SUV39H2: variants seen among roughly 807,000 people sequenced by gnomAD.
SUV39H2 encodes SUV39H2 histone lysine methyltransferase.
A neutral mutation model predicts 47.5 loss-of-function variants in SUV39H2; 10 were observed. That is an observed-to-expected ratio of 0.21 (90% CI 0.13 to 0.36). SUV39H2 has a LOEUF of 0.36. Among genes scored for constraint, SUV39H2 ranks in the 10% least tolerant of loss-of-function variants. SUV39H2 has a pLI of 1.00. For synonymous variants in SUV39H2, 159 were observed against 166.8 expected (o/e 0.95, Z 0.36); for missense variants, 266 against 487.4 (o/e 0.55, Z 4.28).
chr10:14,885,841 C>T (rs572171292), intron 2 of SUV39H2, among the ~76,000 whole-genome samples: 1 of 152,278 alleles, frequency 6.6e-6, no homozygotes, highest in African/African-American at 2.4e-5. Context: ...TCACTTAGCT[C>T]ATGAAAGATA....
In SUV39H2 at chr10:14,902,595, A is replaced by T; in HGVS notation, c.*83A>T. The T allele has an allele frequency of 1.2e-6, 1 of 826,714 alleles. No individual in the cohort carries two copies. The highest frequency in any genetic ancestry group is 2.3e-5 in the South Asian group (1 of 44,310). The allele number at this position is 826,714 out of a possible 1,614,324, so 51.2% of individuals were successfully genotyped here. A position where few individuals can be genotyped will look rare whatever the true frequency, so the allele number is the denominator to read the frequency against. ...TTAAAAATACATATTTGGGACTCTT[A>T]TTATCAAGGTTCTACCTATGTTAAT... On this transcript the variant is annotated 3_prime_UTR_variant, in exon 6 of 6. Transcript: ENST00000354919.
intron 2 of SUV39H2, among the ~76,000 whole-genome samples, chr10:14,887,170 G>C (rs986826328): frequency 6.6e-6 from 1 of 152,162 alleles, no homozygotes; most frequent in African/African-American, 2.4e-5. Flanking sequence ...ATAGTAACCA[G>C]ACCAGAAACA....
At chr10:14,893,489 C>T (rs1371098989) in intron 2 of SUV39H2, among the ~76,000 whole-genome samples, 1 of 152,072 alleles carries the variant, frequency 6.6e-6, no homozygotes, top group East Asian at 1.9e-4. Context: ...TATAGGTAAT[C>T]AAGAGTTGAT....
At chr10:14,897,608 T>A (rs1237880401) in intron 3 of SUV39H2, 91 bp downstream of exon 3, 1 of 1,051,488 alleles carries the variant, frequency 9.5e-7, no homozygotes. Flanking sequence ...AGATACTTGG[T>A]ACATTTTGAT....
At chr10:14,879,103 T>G in intron 1 of SUV39H2, 184 bp downstream of exon 1, 1 of 1,265,326 alleles carries the variant, frequency 7.9e-7, no homozygotes, top group East Asian at 3.3e-5. Context: ...CCCGCCTCCC[T>G]GCCCGGCCGG....
At chr10:14,880,797 A>G (rs567087278) in intron 1 of SUV39H2, among the ~76,000 whole-genome samples, 1 of 152,206 alleles carries the variant, frequency 6.6e-6, no homozygotes, top group Non-Finnish European at 1.5e-5. Context: ...ACACCGTTTT[A>G]AAAGTTTGGC....
At chr10:14,893,577 A>C (rs1833465488) in intron 2 of SUV39H2, among the ~76,000 whole-genome samples, 1 of 152,202 alleles carries the variant, frequency 6.6e-6, no homozygotes, top group Non-Finnish European at 1.5e-5. Context: ...CTTATTCTTA[A>C]AGTGGTTTTC....
intron 2 of SUV39H2, among the ~76,000 whole-genome samples, chr10:14,884,085 C>A (rs10906775): frequency 0.97 from 148,505 of 152,316 alleles, 72,415 homozygotes; most frequent in Middle Eastern, 1. Context: ...CACTTCGTGG[C>A]CATTTGAGTT....
intron 2 of SUV39H2, among the ~76,000 whole-genome samples, chr10:14,895,132 T>C (rs1459568054): frequency 6.6e-6 from 1 of 152,174 alleles, no homozygotes; most frequent in Non-Finnish European, 1.5e-5. Context: ...ACTTCAAAAT[T>C]TGTTAGACAC....
intron 2 of SUV39H2, among the ~76,000 whole-genome samples, chr10:14,893,716 A>G (rs974459435): frequency 2.0e-5 from 3 of 152,236 alleles, no homozygotes; most frequent in African/African-American, 2.4e-5. Context: ...CTAGTCTGCT[A>G]TAAGCATTCA....
In SUV39H2 at chr10:14,897,755, C is replaced by T. The variant is rs149069257; in HGVS notation, c.849+238C>T. The T allele has an allele frequency of 7.2e-4, 213 of 294,628 alleles. 3 individuals carry two copies. The highest frequency in any genetic ancestry group is 5.4e-3 in the East Asian group (95 of 17,644). The allele number at this position is 294,628 out of a possible 1,614,324, so 18.3% of individuals were successfully genotyped here. On this transcript the variant is annotated intron_variant, in intron 3 of 5. Coordinates refer to ENST00000354919, the MANE Select transcript of SUV39H2 (RefSeq NM_001193424.2). ...TGATATAGTCATCTTTCAACAAATA[C>T]ACATTCCTACTAGTCAAACCTAGGA... is the stretch of plus-strand genomic sequence containing the variant.
At chr10:14,898,419 A>G (rs1437975846) in intron 3 of SUV39H2, 2 of 151,886 alleles carry the variant, frequency 1.3e-5, no homozygotes, top group Non-Finnish European at 2.9e-5. Context: ...ATGGCTACAT[A>G]TCTGGAGTTG....
chr10:14,885,819 G>A lies in SUV39H2; in HGVS notation c.177+4174G>A, dbSNP rs558734006. Among the ~76,000 whole-genome samples the A allele has an allele frequency of 3.3e-5, 5 of 152,040 alleles. No individual in the cohort carries two copies. In the South Asian group the frequency reaches 1.0e-3, roughly 32 times the overall value. Reference sequence around the variant, plus strand: ...GATCTTATGACCTTGTCCTTTTCTTGTGTGACCACCTTCACTTAGCTCATG... The same window carrying A: ...GATCTTATGACCTTGTCCTTTTCTTATGTGACCACCTTCACTTAGCTCATG... On this transcript the variant is annotated intron_variant, in intron 2 of 5. Transcript: ENST00000354919.
intron 2 of SUV39H2, among the ~76,000 whole-genome samples, chr10:14,888,707 A>G (rs1021145055): frequency 3.9e-5 from 6 of 152,110 alleles, no homozygotes; most frequent in Non-Finnish European, 7.4e-5. Context: ...GCAGGAGAGT[A>G]TTAAACAGTA....
Position 14,879,369 on chromosome 10 carries a change from A to T in SUV39H2, c.31+450A>T, listed in dbSNP as rs552052913. 5.3e-5 allele frequency among the ~76,000 whole-genome samples: 8 copies of T among 152,294 alleles called. No individual in the cohort carries two copies. The South Asian group carries it at 1.7e-3, about 32-fold the overall frequency. The stretch of plus-strand genomic sequence containing the variant: ...GCGGGAAGCGACGCCCGCCGGCGTG[A>T]ACATGACCTTAATATCAGAGGGGGA... On this transcript the variant is annotated intron_variant, in intron 1 of 5. Coordinates refer to ENST00000354919, the MANE Select transcript of SUV39H2 (RefSeq NM_001193424.2).
intron 2 of SUV39H2, among the ~76,000 whole-genome samples, chr10:14,891,918 G>A (rs1458384943): frequency 6.6e-6 from 1 of 152,150 alleles, no homozygotes; most frequent in Admixed American, 6.5e-5. Flanking sequence ...TTTGTAGTAG[G>A]AATTCTCTAA....
chr10:14,883,006 C>T (rs1380856401), intron 2 of SUV39H2, among the ~76,000 whole-genome samples: 2 of 151,858 alleles, frequency 1.3e-5, no homozygotes, highest in Admixed American at 6.6e-5. Flanking sequence ...TAGCTGGGAC[C>T]ACAGGTGCCC....
Position 14,899,646 on chromosome 10 carries a change from G to C in SUV39H2, c.957G>C (p.Ala319=), listed in dbSNP as rs777832782. ...DYESDEFTVD[A]ARYGNVSHFV... ...AGTCTGATGAATTCACAGTGGATGC[G>C]GCTCGATACGGCAATGTGTCTCATT... The change falls in exon 4 of 6, where the codon GCG becomes GCC. Residue 319 remains alanine, a synonymous_variant. Transcript: ENST00000354919. 1.9e-6 allele frequency: 3 copies of C among 1,614,046 alleles called. No homozygotes were observed.
At chr10:14,898,253 A>G (rs1459725818) in intron 3 of SUV39H2, 1 of 95,210 alleles carries the variant, frequency 1.1e-5, no homozygotes, top group African/African-American at 4.4e-5. Flanking sequence ...TGTTATGTCC[A>G]TTATTGTAGA....
Sources: allele counts gnomAD v4.1 joint callset (sites outside exome capture counted in the v4.1 genomes callset), GRCh38; gene constraint gnomAD v4.1.1; transcripts MANE v1.5; gene names NCBI Gene and HGNC (gene_info 2026-07-23, HGNC 2026-07-21).